The following TTN variants were observed in gnomAD, a reference collection of about 807,000 sequenced individuals.
The protein encoded by TTN is connectin.
A neutral mutation model predicts 3,223.0 loss-of-function variants in TTN; 1,525 were observed. That is an observed-to-expected ratio of 0.47 (90% CI 0.45 to 0.49). The LOEUF (loss-of-function observed/expected upper bound fraction) is 0.49, where lower values mean the gene tolerates loss of function less well. Ranked by LOEUF, TTN falls within the 20% of genes least tolerant of loss-of-function variation. The pLI, the probability that TTN is intolerant of heterozygous loss-of-function variation, is 0.00. For synonymous variants in TTN, 14,094 were observed against 15,161.0 expected (o/e 0.93, Z 5.17); for missense variants, 40,786 against 43,424.0 (o/e 0.94, Z 5.40).
In TTN at chr2:178,535,335, G is replaced by A. The variant is rs786205364; in HGVS notation, c.101280C>T (p.Phe33760=). The stretch of plus-strand genomic sequence containing the variant: ...CAAATTTATTTTCAGCTATTACCCG[G>A]AACTGGTAACTTGTTTTTCCAAATA... ...INLFGKTSYQ[F]RVIAENKFGL... is the part of the protein sequence containing the mutation. The change falls in exon 358 of 363, where the codon TTC becomes TTT. Residue 33760 remains phenylalanine (F), a synonymous_variant. Transcript: ENST00000589042. The A allele has an allele frequency of 6.2e-7, 1 of 1,613,870 alleles. No homozygotes were observed. Among genetic ancestry groups the A allele is most frequent in the Non-Finnish European group, 8.5e-7 (1 of 1,179,846 alleles).
rs4893852 is a variant in TTN, at chr2:178,706,721, A to G, written c.29153T>C (p.Ile9718Thr). 80,682 of 1,608,816 alleles carry G rather than the reference A, an allele frequency of 0.05. 4,664 individuals are homozygous for G. Among genetic ancestry groups the G allele is most frequent in the African/African-American group, 0.2 (15,312 of 74,742 alleles). The change falls in exon 102 of 363, where the codon ATT becomes ACT. Residue 9718 changes from isoleucine to threonine, a missense_variant. Coordinates refer to ENST00000589042, the MANE Select transcript of TTN (RefSeq NM_001267550.2). Reference sequence around the variant, plus strand: ...GATTGGGTCACCTCCAACTTTTGCAATGAAGGTCGCAGTGGTTTCTAAGGA... The same window carrying G: ...GATTGGGTCACCTCCAACTTTTGCAGTGAAGGTCGCAGTGGTTTCTAAGGA... Reference protein sequence around the residue: ...RVVEKTTATFIAKVGGDPIPN... With the variant: ...RVVEKTTATFTAKVGGDPIPN...
chr2:178,799,859 T>G lies in TTN; in HGVS notation c.635A>C (p.Gln212Pro). Residue 212 changes from glutamine (Q) to proline (P), a missense_variant, in exon 5 of 363, where the codon CAG (glutamine) becomes CCG (proline). Coordinates refer to ENST00000589042, the MANE Select transcript of TTN (RefSeq NM_001267550.2). Reference protein sequence around the residue: ...KKTKTIVSTAQISESRQTRIE... With the variant: ...KKTKTIVSTAPISESRQTRIE... Reference sequence around the variant, plus strand: ...TCGGGTTTGTCTTGATTCTGAGATCTGAGCAGTCGAAACAATTGTCTTTGT... The same window carrying G: ...TCGGGTTTGTCTTGATTCTGAGATCGGAGCAGTCGAAACAATTGTCTTTGT... 1.9e-6 allele frequency: 3 copies of G among 1,614,178 alleles called. No individual in the cohort carries two copies. The highest frequency in any genetic ancestry group is 2.5e-6 in the Non-Finnish European group (3 of 1,180,026).
At position 178,534,134 on chromosome 2, in the gene TTN, T is replaced by A. The variant is rs1278747931; in HGVS notation, c.102481A>T (p.Asn34161Tyr). 1.2e-6 allele frequency: 2 copies of A among 1,613,972 alleles called. No individual in the cohort carries two copies. The highest frequency in any genetic ancestry group is 1.7e-6 in the Non-Finnish European group (2 of 1,179,850). Reference protein sequence around the residue: ...GHVKYVCKIENYDQSTQVTWY... With the variant: ...GHVKYVCKIEYYDQSTQVTWY... Reference sequence around the variant, plus strand: ...GTCACTTGGGTAGACTGATCATAATTTTCAATTTTGCATACATATTTGACA... The same window carrying A: ...GTCACTTGGGTAGACTGATCATAATATTCAATTTTGCATACATATTTGACA... Residue 34161 changes from asparagine to tyrosine, a missense_variant, in exon 358 of 363, where the codon AAT becomes TAT. Asn to Tyr is a moderately radical substitution (Grantham distance 143). Coordinates refer to ENST00000589042, the MANE Select transcript of TTN (RefSeq NM_001267550.2).
intron 109 of TTN, 149 bp downstream of exon 109, chr2:178,701,891 G>GA (rs1172045561): frequency 1.2e-6 from 1 of 850,616 alleles, no homozygotes; most frequent in Non-Finnish European, 1.8e-6. Context: ...TTATTTGACT[G>GA]AAAGTAATTC....
At chr2:178,580,655 A>G in intron 316 of TTN, 46 bp from the exon 317 acceptor site, 1 of 1,548,942 alleles carries the variant, frequency 6.5e-7, no homozygotes. Context: ...TTAATAGTCA[A>G]ATGTATTTCC....
Position 178,537,902 on chromosome 2 carries a change from C to T in TTN, c.99305G>A (p.Gly33102Glu), listed in dbSNP as rs751364205. ...KTKLTSGEAP[G>E]IRKEMKDVTT... ...AACATCCTTCATTTCTTTGCGTATT[C>T]CTGGGGCCTCTCCAGCTGAACAATA... Residue 33102 changes from glycine to glutamate, a missense_variant, in exon 355 of 363, where the codon GGA (glycine) becomes GAA (glutamate). By Grantham distance (98) the Gly-to-Glu change is moderately conservative (BLOSUM62 -2). Transcript: ENST00000589042. 5.6e-6 allele frequency: 9 copies of T among 1,609,432 alleles called. No homozygotes were observed. Among genetic ancestry groups the T allele is most frequent in the Non-Finnish European group, 6.8e-6 (8 of 1,177,250 alleles).
intron 45 of TTN, among the ~76,000 whole-genome samples, chr2:178,757,088 TTC>T (rs1266007739): frequency 1.2e-4 from 2 of 16,598 alleles, no homozygotes; most frequent in African/African-American, 3.4e-4. Context: ...CAGTCTGTCT[TTC>T]TCTCTCTCCC....
At chr2:178,680,128 GC>G (rs1482503452) in intron 139 of TTN, 73 bp from the exon 140 acceptor site, 2 of 1,586,296 alleles carry the variant, frequency 1.3e-6, no homozygotes, top group African/African-American at 2.7e-5. Flanking sequence ...AGAAACACAG[GC>G]CCATTTATAA....
At position 178,579,329 on chromosome 2, in the gene TTN, G is replaced by A; in HGVS notation, c.67701C>T (p.Asn22567=). ...DLCYLAKENS[N]FRLKIPIKGK... ...CTTTTATGGGGATCTTAAGCCGGAA[G>A]TTGCTGTTTTCTTTAGCCAAGTAGC... is the stretch of plus-strand genomic sequence containing the variant. Residue 22567 remains asparagine, a synonymous_variant, in exon 320 of 363, where the codon AAC becomes AAT. Coordinates refer to ENST00000589042, the MANE Select transcript of TTN (RefSeq NM_001267550.2). 6.2e-7 allele frequency: 1 copy of A among 1,607,428 alleles called. No individual in the cohort carries two copies. The highest frequency in any genetic ancestry group is 8.5e-7 in the Non-Finnish European group (1 of 1,176,418).
At position 178,527,200 on chromosome 2, in the gene TTN, A is replaced by G. The variant is rs1018591024; in HGVS notation, c.107788T>C (p.Trp35930Arg). ...FTGEPTPEVT[W>R]SCGGRKIHSQ... is the part of the protein sequence containing the mutation. The stretch of plus-strand genomic sequence containing the variant: ...TGGATTTTTCTTCCACCACAGGACC[A>G]TGTTACTTCTGGGGTAGGCTCACCC... The change falls in exon 363 of 363, where the codon TGG becomes CGG. Residue 35930 changes from tryptophan to arginine, a missense_variant. Physicochemically the swap from Trp to Arg is moderately radical, Grantham distance 101. Coordinates refer to ENST00000589042, the MANE Select transcript of TTN (RefSeq NM_001267550.2). The G allele has an allele frequency of 2.5e-6, 4 of 1,613,970 alleles. No individual in the cohort carries two copies. Among genetic ancestry groups the G allele is most frequent in the Non-Finnish European group, 3.4e-6 (4 of 1,179,870 alleles).
In TTN at chr2:178,527,268, C is replaced by A. The variant is rs773833357; in HGVS notation, c.107720G>T (p.Ser35907Ile). The A allele has an allele frequency of 3.1e-6, 5 of 1,608,486 alleles. 1 individual carries two copies. In the South Asian group the frequency reaches 5.5e-5, roughly 18 times the overall value. ...PKIEALPSDISIDEGKVLTVA... is the reference protein window; with the variant it reads ...PKIEALPSDIIIDEGKVLTVA... The stretch of plus-strand genomic sequence containing the variant: ...TGTTAGAACTTTGCCTTCATCAATG[C>A]TGATATCAGATGGAAGAGCTTCAAT... Residue 35907 changes from serine to isoleucine, a missense_variant, in exon 363 of 363, where the codon AGC becomes ATC. Transcript: ENST00000589042.
intron 46 of TTN, 97 bp from the exon 47 acceptor site, chr2:178,753,277 A>G (rs932703181): frequency 2.0e-6 from 2 of 984,724 alleles, no homozygotes; most frequent in Non-Finnish European, 3.1e-6. Context: ...TCTTTTTATT[A>G]TAACAACAGA....
chr2:178,652,632 C>T, intron 201 of TTN, 21 bp downstream of exon 201: 1 of 1,613,022 alleles, frequency 6.2e-7, no homozygotes, highest in South Asian at 1.1e-5. Flanking sequence ...TCTTCTGACG[C>T]TTAAACTCAA....
In TTN at chr2:178,576,032, G is replaced by A; in HGVS notation, c.70100C>T (p.Pro23367Leu). ...RAGLSIRIFVPIKGRPAPEVT... is the reference protein window; with the variant it reads ...RAGLSIRIFVLIKGRPAPEVT... ...TTCAGGAGCAGGACGACCTTTAATTGGCACAAATATCCTAATACTGAGTCC... is the reference window on the plus strand; with the variant it reads ...TTCAGGAGCAGGACGACCTTTAATTAGCACAAATATCCTAATACTGAGTCC... The change falls in exon 326 of 363, where the codon CCA becomes CTA. Residue 23367 changes from proline (P) to leucine (L), a missense_variant. Physicochemically the swap from Pro to Leu is moderately conservative, Grantham distance 98 (BLOSUM62 -3). Transcript: ENST00000589042. This position sits in a 1 kb window ranked among gnomAD's most constrained non-coding sequence, Gnocchi z 4.3. 6.2e-7 allele frequency: 1 copy of A among 1,613,128 alleles called. No individual in the cohort carries two copies. The highest frequency in any genetic ancestry group is 8.5e-7 in the Non-Finnish European group (1 of 1,179,408).
At chr2:178,762,214 G>A (rs890156720) in intron 43 of TTN, among the ~76,000 whole-genome samples, 47 of 152,158 alleles carry the variant, frequency 3.1e-4, no homozygotes, top group Admixed American at 9.2e-4. Context: ...ATGAAACTAT[G>A]TGAGTTGGCA....
At position 178,598,473 on chromosome 2, in the gene TTN, A is replaced by T. The variant is rs989759569; in HGVS notation, c.57111+33T>A. 6.3e-6 allele frequency: 10 copies of T among 1,594,142 alleles called. No homozygotes were observed. The African/African-American group carries it at 1.2e-4, about 20-fold the overall frequency. ...AACTATGACATTTTTTAGTTTATTC[A>T]TAGTGCATTTCCTTAGTGCCAAGTT... On this transcript the variant is annotated intron_variant, in intron 292 of 362. Coordinates refer to ENST00000589042, the MANE Select transcript of TTN (RefSeq NM_001267550.2).
At chr2:178,549,891 G>A (rs770052057) in intron 337 of TTN, 22 bp from the exon 338 acceptor site, 40 of 1,538,442 alleles carry the variant, frequency 2.6e-5, no homozygotes, top group Non-Finnish European at 3.5e-5. Context: ...AGTTTCTAGA[G>A]TTAGTTTCTT....
At position 178,725,639 on chromosome 2, in the gene TTN, T is replaced by G. The variant is rs2079210485; in HGVS notation, c.20565A>C (p.Arg6855Ser). ...VCTVKLKEPP[R>S]FVSKLNSLTV... ...TGAGGCTGTTCAGTTTGGAGACAAA[T>G]CTTGGTGGTTCTGAACAGGAAAAGA... The change falls in exon 71 of 363, where the codon AGA (arginine) becomes AGC (serine). Residue 6855 changes from arginine (R) to serine (S), a missense_variant. Physicochemically the swap from Arg to Ser is moderately radical, Grantham distance 110. Coordinates refer to ENST00000589042, the MANE Select transcript of TTN (RefSeq NM_001267550.2). The G allele has an allele frequency of 1.3e-6, 2 of 1,580,936 alleles. No individual in the cohort carries two copies. The highest frequency in any genetic ancestry group is 4.5e-5 in the East Asian group (2 of 44,500).
Position 178,782,325 on chromosome 2 carries a change from C to T in TTN, c.3267G>A (p.Val1089=). Reference sequence around the variant, plus strand: ...TCCCACCTTCCACCAGTTTCTGGACCACTGGTTTTGTAATAAAGTAAGGCG... The same window carrying T: ...TCCCACCTTCCACCAGTTTCTGGACTACTGGTTTTGTAATAAAGTAAGGCG... ...PAAPYFITKP[V]VQKLVEGGSV... The change falls in exon 20 of 363, where the codon GTG becomes GTA. Residue 1089 remains valine (V), a synonymous_variant. Transcript: ENST00000589042. 1.9e-6 allele frequency: 3 copies of T among 1,614,100 alleles called. No individual in the cohort carries two copies. Among genetic ancestry groups the T allele is most frequent in the Non-Finnish European group, 2.5e-6 (3 of 1,180,006 alleles).
Sources: allele counts gnomAD v4.1 joint callset (sites outside exome capture counted in the v4.1 genomes callset), GRCh38; gene constraint gnomAD v4.1.1; non-coding constraint Gnocchi (gnomAD v3.1); transcripts MANE v1.5; gene names NCBI Gene and HGNC (gene_info 2026-07-23, HGNC 2026-07-21).